The following KCNMB2 variants were observed in gnomAD, a reference collection of about 807,000 sequenced individuals.
KCNMB2 encodes the protein potassium calcium-activated channel subfamily M regulatory beta subunit 2.
Under a neutral mutation model 24.5 loss-of-function variants are expected in KCNMB2, and 9 were observed. That is an observed-to-expected ratio of 0.37 (90% CI 0.22 to 0.64). KCNMB2 has a LOEUF of 0.64. Among genes scored for constraint, KCNMB2 ranks in the 30% least tolerant of loss-of-function variants. The pLI is 0.63. For synonymous variants in KCNMB2, 109 were observed against 104.4 expected, an observed-to-expected ratio of 1.04 and a Z score of -0.27; for missense variants, 226 against 284.3, an observed-to-expected ratio of 0.79 and a Z score of 1.47.
At chr3:178,745,027 C>A (rs1268337159) in intron 1 of KCNMB2, among the ~76,000 whole-genome samples, 1 of 152,206 alleles carries the variant, frequency 6.6e-6, no homozygotes, top group South Asian at 2.1e-4. Flanking sequence ...TCAGTTTATT[C>A]TTCCACAAAG....
chr3:178,592,426 G>A (rs1200868087), intron 1 of KCNMB2, among the ~76,000 whole-genome samples: 1 of 151,836 alleles, frequency 6.6e-6, no homozygotes, highest in Non-Finnish European at 1.5e-5. Context: ...TAATACTTAT[G>A]GTTATCTCAC....
chr3:178,681,270 A>C, intron 1 of KCNMB2, among the ~76,000 whole-genome samples: 1 of 152,088 alleles, frequency 6.6e-6, no homozygotes, highest in Admixed American at 6.5e-5. Flanking sequence ...GCCAAATAGT[A>C]TAACAATACC....
intron 1 of KCNMB2, among the ~76,000 whole-genome samples, chr3:178,771,473 C>CTTTTTTTTTTTTTTTTTT (rs66694279): frequency 1.4e-4 from 12 of 87,512 alleles, no homozygotes; most frequent in Non-Finnish European, 1.9e-4. Flanking sequence ...TTCTTTCTTT[C>CTTTTTTTTTTTTTTTTTT]TTTTTTTTTT....
chr3:178,723,142 A>G lies in KCNMB2; in HGVS notation c.-67-84201A>G, dbSNP rs953011952. 7.2e-5 allele frequency among the ~76,000 whole-genome samples: 11 copies of G among 152,164 alleles called. 1 individual carries two copies. The highest frequency in any genetic ancestry group is 2.1e-4 in the South Asian group (1 of 4,828). ...ATAGTAATCTTAAAATCAGTAATAT[A>G]ATAATATAATTCCTCCAACTTAGTT... On this transcript the variant is annotated intron_variant, in intron 1 of 4. Transcript: ENST00000452583.
At chr3:178,815,417 C>A (rs1714366361) in intron 2 of KCNMB2, among the ~76,000 whole-genome samples, 1 of 152,112 alleles carries the variant, frequency 6.6e-6, no homozygotes, top group Non-Finnish European at 1.5e-5. Flanking sequence ...AGCCACCTCA[C>A]CCAGCCTAAA....
chr3:178,587,986 G>A (rs943421795), intron 1 of KCNMB2, among the ~76,000 whole-genome samples: 26 of 148,648 alleles, frequency 1.7e-4, no homozygotes, highest in African/African-American at 6.0e-4. Flanking sequence ...GAGAACATGC[G>A]GTGTTTGGTT....
intron 2 of KCNMB2, among the ~76,000 whole-genome samples, chr3:178,815,056 C>A (rs1714351837): frequency 6.6e-6 from 1 of 152,056 alleles, no homozygotes; most frequent in African/African-American, 2.4e-5. Flanking sequence ...TAAATTACAC[C>A]ATTTTTGCTA....
chr3:178,549,580 G>C (rs1407232051), intron 1 of KCNMB2, among the ~76,000 whole-genome samples: 1 of 148,478 alleles, frequency 6.7e-6, no homozygotes, highest in African/African-American at 2.5e-5. Context: ...GCCTGCCTCA[G>C]CCTCCCAGAG....
chr3:178,736,990 C>T (rs1723338437), intron 1 of KCNMB2, among the ~76,000 whole-genome samples: 1 of 152,196 alleles, frequency 6.6e-6, no homozygotes, highest in Non-Finnish European at 1.5e-5. Flanking sequence ...GCATTATGGG[C>T]CAGACACAGC....
intron 1 of KCNMB2, among the ~76,000 whole-genome samples, chr3:178,778,295 C>T (rs1178555722): frequency 6.6e-6 from 1 of 152,034 alleles, no homozygotes; most frequent in Non-Finnish European, 1.5e-5. Flanking sequence ...CAGTCGAATT[C>T]CTACTATGTA....
At chr3:178,586,851 G>A (rs1263301552) in intron 1 of KCNMB2, among the ~76,000 whole-genome samples, 2 of 151,888 alleles carry the variant, frequency 1.3e-5, no homozygotes, top group Non-Finnish European at 2.9e-5. Context: ...GGCCCAAAAT[G>A]CCAATCTTTT....
intron 1 of KCNMB2, among the ~76,000 whole-genome samples, chr3:178,654,036 G>A (rs1040865766): frequency 1.3e-5 from 2 of 151,972 alleles, no homozygotes; most frequent in African/African-American, 4.8e-5. Flanking sequence ...GAAGCTTTAG[G>A]TTATAGATCT....
At chr3:178,595,059 C>CAAAAAAAAAAAAAAAAAAAAAAAAAAAA (rs57471892) in intron 1 of KCNMB2, among the ~76,000 whole-genome samples, 1 of 123,746 alleles carries the variant, frequency 8.1e-6, no homozygotes, top group East Asian at 2.5e-4. Context: ...ACAGTATTTG[C>CAAAAAAAAAAAAAAAAAAAAAAAAAAAA]AAAAAAAAAA....
intron 1 of KCNMB2, among the ~76,000 whole-genome samples, chr3:178,701,091 T>C (rs1472639445): frequency 6.6e-6 from 1 of 152,226 alleles, no homozygotes; most frequent in Non-Finnish European, 1.5e-5. Flanking sequence ...TGGTTTTAGG[T>C]CTAACATTTA....
intron 1 of KCNMB2, among the ~76,000 whole-genome samples, chr3:178,644,207 G>A (rs1241552015): frequency 6.6e-6 from 1 of 152,214 alleles, no homozygotes; most frequent in Non-Finnish European, 1.5e-5. Flanking sequence ...GGGACTTCAA[G>A]ATACAGGAGA....
chr3:178,644,965 C>G (rs1341317208), intron 1 of KCNMB2, among the ~76,000 whole-genome samples: 1 of 151,974 alleles, frequency 6.6e-6, no homozygotes, highest in East Asian at 1.9e-4. Flanking sequence ...GTCCTTAGCA[C>G]CTAAGACATA....
chr3:178,573,583 T>TAAA lies in KCNMB2; in HGVS notation c.-68+36886_-68+36888dup, dbSNP rs71647211. 1.8e-3 allele frequency among the ~76,000 whole-genome samples: 230 copies of TAAA among 124,674 alleles called. 2 individuals carry two copies. Among genetic ancestry groups the TAAA allele is most frequent in the African/African-American group, 4.1e-3 (133 of 32,484 alleles). The allele number at this position is 124,674 out of a possible 152,430, so 81.8% of individuals were successfully genotyped here. A position where few individuals can be genotyped will look rare whatever the true frequency, so the allele number is the denominator to read the frequency against. ...GGGGAGACCTCATCTCTACAAAACATAAAAAAAAAAAAAAAACTAGCCAGG... is the reference window on the plus strand; with the variant it reads ...GGGGAGACCTCATCTCTACAAAACATAAAAAAAAAAAAAAAAAAACTAGCCAGG... On this transcript the variant is annotated intron_variant, in intron 1 of 4. Transcript: ENST00000452583.
chr3:178,642,202 G>C (rs1477927377), intron 1 of KCNMB2, among the ~76,000 whole-genome samples: 1 of 152,154 alleles, frequency 6.6e-6, no homozygotes, highest in East Asian at 1.9e-4. Context: ...GGGATATTTT[G>C]ACATTGGGAT....
In KCNMB2 at chr3:178,712,275, T is replaced by C. The variant is rs978319196; in HGVS notation, c.-67-95068T>C. Among the ~76,000 whole-genome samples the C allele has an allele frequency of 3.9e-5, 6 of 152,322 alleles. No homozygotes were observed. In the East Asian group the frequency reaches 1.2e-3, roughly 29 times the overall value. ...AGATGTTGTGTATAATGGGAGGAAC[T>C]TGGAACTGATTAGAAATTTACCTGT... On this transcript the variant is annotated intron_variant, in intron 1 of 4. Coordinates refer to ENST00000452583, the MANE Select transcript of KCNMB2 (RefSeq NM_181361.3).
Sources: gnomAD v4.1 joint callset for allele counts (sites outside exome capture counted in the v4.1 genomes callset) on GRCh38, gnomAD v4.1.1 for gene constraint, MANE v1.5 for transcripts, NCBI Gene and HGNC (gene_info 2026-07-23, HGNC 2026-07-21) for gene names.